The following NTF3 variants were observed in gnomAD, a reference collection of about 807,000 sequenced individuals.
NTF3 encodes the protein neurotrophin 3.
NTF3 carries 8 observed loss-of-function variants against 26.3 expected under a neutral mutation model. The observed-to-expected ratio is 0.30, with a 90% CI of 0.18 to 0.55. NTF3 has a LOEUF of 0.55. Ranked by LOEUF, NTF3 falls within the 20% of genes least tolerant of loss-of-function variation. The pLI is 0.93. For missense variants in NTF3, 276 were observed against 352.9 expected (o/e 0.78, Z 1.75); for synonymous variants, 154 against 145.5 (o/e 1.06, Z -0.42).
At chr12:5,473,937 A>T (rs1033842434) in intron 1 of NTF3, among the ~76,000 whole-genome samples, 6 of 152,186 alleles carry the variant, frequency 3.9e-5, no homozygotes, top group Admixed American at 2.6e-4. Context: ...TCAGCCTCAC[A>T]TGCGCATCTT....
chr12:5,439,668 A>G (rs1320661079), intron 1 of NTF3, among the ~76,000 whole-genome samples: 1 of 152,168 alleles, frequency 6.6e-6, no homozygotes, highest in Non-Finnish European at 1.5e-5. Flanking sequence ...TTAAGCCACA[A>G]TTGCCTCCTT....
chr12:5,431,437 C>A (rs1332829640), upstream of NTF3, among the ~76,000 whole-genome samples: 1 of 152,178 alleles, frequency 6.6e-6, no homozygotes. Flanking sequence ...GCCCCCACGC[C>A]CCTCTACCTT....
At chr12:5,447,749 C>T (rs1275458661) in intron 1 of NTF3, among the ~76,000 whole-genome samples, 4 of 152,208 alleles carry the variant, frequency 2.6e-5, no homozygotes, top group Admixed American at 6.5e-5. Flanking sequence ...CGGCTCTTCT[C>T]CAAGTCAGGC....
At position 5,432,180 on chromosome 12, in the gene NTF3, C is replaced by T; in HGVS notation, c.-145C>T. 1 of 984,806 alleles carries T rather than the reference C, an allele frequency of 1.0e-6. No individual in the cohort carries two copies. The highest frequency in any genetic ancestry group is 1.3e-5 in the South Asian group (1 of 74,784). 61.0% of individuals were successfully genotyped at this position (984,806 alleles called of 1,614,324 possible). A position where few individuals can be genotyped will look rare whatever the true frequency, so the allele number is the denominator to read the frequency against. On this transcript the variant is annotated 5_prime_UTR_variant, in exon 1 of 2. Coordinates refer to ENST00000423158, the MANE Select transcript of NTF3 (RefSeq NM_001102654.2). ...CCCGCGACGCAGCCCGGCGCAACTACTTTCTTCTCTCTCCTTTCTTTCTTC... is the reference window on the plus strand; with the variant it reads ...CCCGCGACGCAGCCCGGCGCAACTATTTTCTTCTCTCTCCTTTCTTTCTTC...
intron 1 of NTF3, among the ~76,000 whole-genome samples, chr12:5,449,644 C>T (rs1940349219): frequency 6.6e-6 from 1 of 152,192 alleles, no homozygotes; most frequent in Non-Finnish European, 1.5e-5. Flanking sequence ...CTCTGCCAAA[C>T]CTTGCCTTGC....
Position 5,494,148 on chromosome 12 carries a change from A to G in NTF3, c.19-46A>G. ...GGTAGCTGGTGCCAGAATAACACAGACTCAGCTGCCAGAGCCTGCTCTTAA... is the reference window on the plus strand; with the variant it reads ...GGTAGCTGGTGCCAGAATAACACAGGCTCAGCTGCCAGAGCCTGCTCTTAA... On this transcript the variant is annotated intron_variant, in intron 1 of 1. Transcript: ENST00000423158. This position sits in a 1 kb window ranked among gnomAD's most constrained non-coding sequence, Gnocchi z 8.3. The G allele has an allele frequency of 6.4e-7, 1 of 1,572,960 alleles. No individual in the cohort carries two copies. Among genetic ancestry groups the G allele is most frequent in the East Asian group, 2.2e-5 (1 of 44,678 alleles).
intron 1 of NTF3, among the ~76,000 whole-genome samples, chr12:5,470,532 G>C (rs1339565420): frequency 6.6e-6 from 1 of 152,190 alleles, no homozygotes; most frequent in Non-Finnish European, 1.5e-5. Context: ...GCTGTAACCC[G>C]AGTGAGCCAT....
chr12:5,491,064 CA>C (rs1940930450), intron 1 of NTF3, among the ~76,000 whole-genome samples: 1 of 152,212 alleles, frequency 6.6e-6, no homozygotes, highest in African/African-American at 2.4e-5. Context: ...TCATGGTGCA[CA>C]AGCCATGTGA....
upstream of NTF3, among the ~76,000 whole-genome samples, chr12:5,430,626 T>A (rs1940073127): frequency 7.1e-6 from 1 of 139,934 alleles, no homozygotes; most frequent in South Asian, 2.6e-4. Flanking sequence ...CCCCAGCTAC[T>A]CTCTGCGGCC....
At chr12:5,493,013 C>G (rs1032515864) in intron 1 of NTF3, among the ~76,000 whole-genome samples, 4 of 152,322 alleles carry the variant, frequency 2.6e-5, no homozygotes, top group African/African-American at 7.2e-5. Flanking sequence ...GATGTACCCC[C>G]CTGGGAGCCA....
intron 1 of NTF3, among the ~76,000 whole-genome samples, chr12:5,476,917 G>A (rs1940731452): frequency 6.6e-6 from 1 of 152,062 alleles, no homozygotes; most frequent in Admixed American, 6.5e-5. Context: ...TTTTTAAAAG[G>A]TTGGGCACAA....
In NTF3 at chr12:5,494,301, C is replaced by T; in HGVS notation, c.126C>T (p.Asp42=). ...TGGATCAAAGGAGTTTGCCAGAAGA[C>T]TCGCTCAATTCCCTCATTATTAAGC... is the stretch of plus-strand genomic sequence containing the variant. ...NNMDQRSLPE[D]SLNSLIIKLI... is the part of the protein sequence containing the mutation. Residue 42 remains aspartate (D), a synonymous_variant, in exon 2 of 2, where the codon GAC becomes GAT. Transcript: ENST00000423158. The surrounding 1 kb of genome is among the most constrained non-coding windows in gnomAD (Gnocchi z 8.3). The T allele has an allele frequency of 6.2e-7, 1 of 1,614,116 alleles. No homozygotes were observed. Among genetic ancestry groups the T allele is most frequent in the African/African-American group, 1.3e-5 (1 of 75,030 alleles).
At chr12:5,482,603 C>T (rs1444932066) in intron 1 of NTF3, among the ~76,000 whole-genome samples, 1 of 151,818 alleles carries the variant, frequency 6.6e-6, no homozygotes. Flanking sequence ...GGTACCTTTC[C>T]AATTTTCCCC....
intron 1 of NTF3, among the ~76,000 whole-genome samples, chr12:5,488,967 A>T (rs1312813314): frequency 1.3e-5 from 2 of 151,998 alleles, no homozygotes; most frequent in Non-Finnish European, 2.9e-5. Context: ...TGCTCTCATG[A>T]CTCCTCTCTG....
intron 1 of NTF3, among the ~76,000 whole-genome samples, chr12:5,443,473 G>A (rs150701373): frequency 0.011 from 1,688 of 152,228 alleles, 23 homozygotes; most frequent in Non-Finnish European, 0.017. Flanking sequence ...AATACAAAGG[G>A]GGGAAATGTT....
intron 1 of NTF3, among the ~76,000 whole-genome samples, chr12:5,483,712 C>G (rs545057336): frequency 6.6e-6 from 1 of 152,250 alleles, no homozygotes; most frequent in East Asian, 1.9e-4. Context: ...TGAGGAATTG[C>G]TTAGGTCTTT....
intron 1 of NTF3, among the ~76,000 whole-genome samples, chr12:5,458,864 TAC>T (rs140601450): frequency 1.9e-4 from 29 of 149,856 alleles, no homozygotes; most frequent in African/African-American, 2.9e-4. Flanking sequence ...CAAGCACACA[TAC>T]ACACACACAC....
intron 1 of NTF3, among the ~76,000 whole-genome samples, chr12:5,471,118 A>C (rs1037228675): frequency 6.6e-6 from 1 of 152,146 alleles, no homozygotes; most frequent in Non-Finnish European, 1.5e-5. Context: ...TTCTGTTGAG[A>C]AACATGGGCT....
chr12:5,432,556 TACACACACACACACACACACAC>T (rs57075143), intron 1 of NTF3, among the ~76,000 whole-genome samples: 40 of 124,072 alleles, frequency 3.2e-4, no homozygotes, highest in East Asian at 1.0e-3. Flanking sequence ...GCCACCCCGC[TACACACACACACACACACACAC>T]ACACACACAC....
Sources: gnomAD v4.1 joint callset for allele counts (sites outside exome capture counted in the v4.1 genomes callset) on GRCh38, gnomAD v4.1.1 for gene constraint, Gnocchi (gnomAD v3.1) non-coding constraint, MANE v1.5 for transcripts, NCBI Gene and HGNC (gene_info 2026-07-23, HGNC 2026-07-21) for gene names.